Variants in PHKB observed in about 807,000 individuals in gnomAD.
PHKB encodes the protein phosphorylase kinase regulatory subunit beta, also known as phosphorylase b kinase regulatory subunit beta.
Under a neutral mutation model 152.1 loss-of-function variants are expected in PHKB, and 122 were observed. The ratio of observed to expected loss-of-function variants is 0.80; its 90% CI spans 0.69 to 0.93. The LOEUF (loss-of-function observed/expected upper bound fraction) is 0.93, where lower values mean the gene tolerates loss of function less well. Ranked by LOEUF, PHKB falls within the 40% of genes least tolerant of loss-of-function variation. PHKB has a pLI of 0.00. For missense variants in PHKB, 1,304 were observed against 1,328.4 expected (o/e 0.98, Z 0.29); for synonymous variants, 436 against 464.9 (o/e 0.94, Z 0.80).
rs1970960452 is a variant in PHKB at position 47,536,847 on chromosome 16, TCTTGG to T, written c.595-10583_595-10579del. Among the ~76,000 whole-genome samples, 4 of 152,320 alleles carry T rather than the reference TCTTGG, an allele frequency of 2.6e-5. No homozygotes were observed. In the South Asian group the frequency reaches 8.3e-4, roughly 32 times the overall value. On this transcript the variant is annotated intron_variant, in intron 6 of 30. Transcript: ENST00000323584. ...TTGGAACAAAAATTAAGAGCCGTGG[TCTTGG>T]CTCTAAGTATAGTGAGAGTTAGGAG...
In PHKB at chr16:47,664,891, G is replaced by A. The variant is rs764952326; in HGVS notation, c.2343G>A (p.Ala781=). ...RRAGSQKLWL[A]VRYGAAFTQK... Reference sequence around the variant, plus strand: ...TTTCCACTGACACACCCAGGTTGGCGGTGCGCTACGGGGCTGCATTTACCC... The same window carrying A: ...TTTCCACTGACACACCCAGGTTGGCAGTGCGCTACGGGGCTGCATTTACCC... The change falls in exon 25 of 31, where the codon GCG becomes GCA. Residue 781 remains alanine (A), a synonymous_variant. Transcript: ENST00000323584. 99 of 1,611,868 alleles carry A rather than the reference G, an allele frequency of 6.1e-5. No individual in the cohort carries two copies. Among genetic ancestry groups the A allele is most frequent in the Non-Finnish European group, 8.1e-5 (95 of 1,178,376 alleles).
chr16:47,603,725 G>A (rs1470318949), intron 13 of PHKB, among the ~76,000 whole-genome samples: 6 of 151,984 alleles, frequency 3.9e-5, no homozygotes, highest in Admixed American at 1.3e-4. Flanking sequence ...GGCTGGTCTC[G>A]AACTCCTGAG....
In PHKB at chr16:47,503,036, A is replaced by G. The variant is rs1451010316; in HGVS notation, c.351A>G (p.Ser117=). ...DKGRTHELEH[S]AIKCMRGILY... ...GAAGGACCCATGAGCTGGAGCACTCAGCTATAAAATGCATGAGAGGAATTC... is the reference window on the plus strand; with the variant it reads ...GAAGGACCCATGAGCTGGAGCACTCGGCTATAAAATGCATGAGAGGAATTC... The change falls in exon 4 of 31, where the codon TCA becomes TCG. Residue 117 remains serine, a synonymous_variant. Coordinates refer to ENST00000323584, the MANE Select transcript of PHKB (RefSeq NM_000293.3). The G allele has an allele frequency of 6.2e-7, 1 of 1,613,922 alleles. No homozygotes were observed. The highest frequency in any genetic ancestry group is 8.5e-7 in the Non-Finnish European group (1 of 1,179,744).
chr16:47,514,266 T>C (rs1261344388), intron 5 of PHKB, among the ~76,000 whole-genome samples: 2 of 151,898 alleles, frequency 1.3e-5, no homozygotes, highest in African/African-American at 4.8e-5. Flanking sequence ...CCCACACAAT[T>C]ATGGAGGCTG....
At chr16:47,508,627 T>C (rs1173153977) in intron 4 of PHKB, among the ~76,000 whole-genome samples, 1 of 152,154 alleles carries the variant, frequency 6.6e-6, no homozygotes, top group Non-Finnish European at 1.5e-5. Context: ...TTATTCACAA[T>C]AATAAAAGTT....
intron 1 of PHKB, chr16:47,463,962 C>T (rs750873589): frequency 1.9e-6 from 3 of 1,613,574 alleles, no homozygotes; most frequent in African/African-American, 1.3e-5. Flanking sequence ...CTGATGCAGT[C>T]GTCTCTCCGT....
chr16:47,540,744 T>C (rs1038525720), intron 6 of PHKB, among the ~76,000 whole-genome samples: 4 of 151,844 alleles, frequency 2.6e-5, no homozygotes, highest in Admixed American at 1.3e-4. Flanking sequence ...ATTAAAAATG[T>C]GTTGGGAGAC....
chr16:47,578,962 G>A (rs2151691901), intron 7 of PHKB, among the ~76,000 whole-genome samples: 2 of 152,058 alleles, frequency 1.3e-5, no homozygotes, highest in Admixed American at 1.3e-4. Context: ...GCATGTGCTG[G>A]CATTTCTCAG....
chr16:47,684,820 G>C (rs1453280736), intron 26 of PHKB, among the ~76,000 whole-genome samples: 1 of 151,828 alleles, frequency 6.6e-6, no homozygotes, highest in African/African-American at 2.4e-5. Flanking sequence ...CTTATTCCCA[G>C]AACTGTCTGA....
intron 26 of PHKB, among the ~76,000 whole-genome samples, chr16:47,682,443 T>A (rs956602811): frequency 4.6e-5 from 7 of 152,234 alleles, no homozygotes; most frequent in Non-Finnish European, 1.0e-4. Flanking sequence ...CCCATATTTC[T>A]TGGAGGCTTT....
At position 47,575,473 on chromosome 16, in the gene PHKB, G is replaced by A. The variant is rs148522715; in HGVS notation, c.711-4822G>A. Among the ~76,000 whole-genome samples, 12 of 152,178 alleles carry A rather than the reference G, an allele frequency of 7.9e-5. No homozygotes were observed. In the East Asian group the frequency reaches 1.9e-3, roughly 24 times the overall value. Reference sequence around the variant, plus strand: ...CCTACGTATTCATCAACAGATGATTGGATAAAGAAAATGTGTATATGTACA... The same window carrying A: ...CCTACGTATTCATCAACAGATGATTAGATAAAGAAAATGTGTATATGTACA... On this transcript the variant is annotated intron_variant, in intron 7 of 30. Transcript: ENST00000323584.
intron 14 of PHKB, among the ~76,000 whole-genome samples, chr16:47,624,151 G>C (rs1472762604): frequency 6.6e-6 from 1 of 151,960 alleles, no homozygotes; most frequent in Admixed American, 6.5e-5. Flanking sequence ...ATTTATTTCT[G>C]TGAGCATCTT....
At chr16:47,550,846 T>C (rs1464623187) in intron 7 of PHKB, among the ~76,000 whole-genome samples, 1 of 152,180 alleles carries the variant, frequency 6.6e-6, no homozygotes, top group African/African-American at 2.4e-5. Context: ...CGTCTGGTCC[T>C]GGGGTTTTTT....
At chr16:47,526,021 G>T (rs1182214345) in intron 6 of PHKB, among the ~76,000 whole-genome samples, 2 of 152,146 alleles carry the variant, frequency 1.3e-5, no homozygotes, top group Admixed American at 1.3e-4. Flanking sequence ...ATGGTCCAGT[G>T]TGAGAGCTAA....
At chr16:47,694,797 G>A (rs952552527) in intron 28 of PHKB, among the ~76,000 whole-genome samples, 7 of 152,116 alleles carry the variant, frequency 4.6e-5, no homozygotes, top group Admixed American at 4.6e-4. Flanking sequence ...GGCAGTGCAC[G>A]CTCACAACCA....
chr16:47,672,552 C>G (rs1973655598), intron 26 of PHKB, among the ~76,000 whole-genome samples: 1 of 152,082 alleles, frequency 6.6e-6, no homozygotes, highest in African/African-American at 2.4e-5. Flanking sequence ...TTCAGGGAGC[C>G]TTTTCAAGTG....
chr16:47,468,920 G>C (rs1246841494), intron 1 of PHKB, among the ~76,000 whole-genome samples: 2 of 152,058 alleles, frequency 1.3e-5, no homozygotes, highest in East Asian at 1.9e-4. Flanking sequence ...TGTTCCTTCT[G>C]GTTGAGTTTT....
intron 26 of PHKB, among the ~76,000 whole-genome samples, chr16:47,682,995 A>T (rs1022202506): frequency 4.1e-4 from 62 of 152,328 alleles, no homozygotes; most frequent in African/African-American, 1.5e-3. Flanking sequence ...CAGGACCCTC[A>T]GCTGCAGGTC....
chr16:47,518,890 C>T (rs1198080422), intron 6 of PHKB, among the ~76,000 whole-genome samples: 1 of 152,164 alleles, frequency 6.6e-6, no homozygotes, highest in Non-Finnish European at 1.5e-5. Flanking sequence ...CGTTTCATGA[C>T]ATTCTCCATT....
Sources: allele counts gnomAD v4.1 joint callset (sites outside exome capture counted in the v4.1 genomes callset), GRCh38; gene constraint gnomAD v4.1.1; transcripts MANE v1.5; gene names NCBI Gene and HGNC (gene_info 2026-07-23, HGNC 2026-07-21).